Variants in PDXDC1 observed in about 807,000 individuals in gnomAD.
The protein encoded by PDXDC1 is pyridoxal-dependent decarboxylase domain-containing protein 1.
Under a neutral mutation model 100.1 loss-of-function variants are expected in PDXDC1, and 42 were observed. The observed-to-expected ratio is 0.42, with a 90% CI of 0.33 to 0.54. The LOEUF (loss-of-function observed/expected upper bound fraction) is 0.54. PDXDC1 is among the 20% of genes least tolerant of loss of function. The pLI, the probability that PDXDC1 is intolerant of heterozygous loss-of-function variation, is 0.10. For missense variants in PDXDC1, 636 were observed against 979.2 expected (o/e 0.65, Z 4.68); for synonymous variants, 260 against 371.7 (o/e 0.70, Z 3.46).
At chr16:15,049,083 G>A (rs1021384973) in intron 16 of PDXDC1, among the ~76,000 whole-genome samples, 1 of 146,734 alleles carries the variant, frequency 6.8e-6, no homozygotes, top group Non-Finnish European at 1.5e-5. Context: ...TTGTAGCGAC[G>A]GGGTCTCCCT....
At chr16:15,104,958 C>G (rs4125495) in intron 16 of PDXDC1, among the ~76,000 whole-genome samples, 2 of 151,896 alleles carry the variant, frequency 1.3e-5, no homozygotes, top group Non-Finnish European at 2.9e-5. Flanking sequence ...AGAAAAGTCA[C>G]TGGGACACAC....
intron 16 of PDXDC1, chr16:15,133,281 C>A: frequency 6.3e-7 from 1 of 1,581,302 alleles, no homozygotes; most frequent in African/African-American, 1.3e-5. Context: ...AGGACGGTGA[C>A]CAGGGCCAGC....
intron 16 of PDXDC1, among the ~76,000 whole-genome samples, chr16:15,082,683 A>G (rs951983443): frequency 1.3e-5 from 2 of 151,982 alleles, no homozygotes; most frequent in Admixed American, 1.3e-4. Context: ...CACCCCTGAA[A>G]AAAAAAAAAT....
chr16:15,012,672 C>G (rs1269490758), intron 8 of PDXDC1, among the ~76,000 whole-genome samples: 1 of 152,260 alleles, frequency 6.6e-6, no homozygotes, highest in African/African-American at 2.4e-5. Context: ...TGGCGAAACC[C>G]CTAGGAAATC....
chr16:15,143,935 C>T (rs2048513715), downstream of PDXDC1, among the ~76,000 whole-genome samples: 4 of 152,298 alleles, frequency 2.6e-5, no homozygotes, highest in South Asian at 8.3e-4. Context: ...CCAGGCCCGG[C>T]ACCCCTGCCC....
Position 15,036,179 on chromosome 16 carries a change from C to T in PDXDC1, c.2271C>T (p.Ser757=). Residue 757 remains serine (S), a synonymous_variant, in exon 23 of 23, where the codon AGC becomes AGT. Coordinates refer to ENST00000396410, the MANE Select transcript of PDXDC1 (RefSeq NM_015027.4). ...SSTEGHPGAP[S]PQHTDQTEAF... is the part of the protein sequence containing the mutation. ...CTGAGGGACACCCAGGGGCTCCCAG[C>T]CCTCAGCACACCGACCAGACCGAGG... 6.2e-7 allele frequency: 1 copy of T among 1,614,140 alleles called. No homozygotes were observed. Among genetic ancestry groups the T allele is most frequent in the Non-Finnish European group, 8.5e-7 (1 of 1,180,018 alleles).
At chr16:15,066,590 G>A (rs1342651751) in intron 16 of PDXDC1, among the ~76,000 whole-genome samples, 1 of 151,058 alleles carries the variant, frequency 6.6e-6, no homozygotes, top group African/African-American at 2.4e-5. Context: ...CTAAGATCAC[G>A]CCACTGTACT....
At chr16:15,029,735 T>G in intron 15 of PDXDC1, 2 of 575,170 alleles carry the variant, frequency 3.5e-6, no homozygotes, top group Admixed American at 6.0e-5. Context: ...TGTTTACTTG[T>G]ATTTCCTAAA....
intron 16 of PDXDC1, chr16:15,137,238 C>A: frequency 2.4e-6 from 2 of 818,642 alleles, no homozygotes; most frequent in Non-Finnish European, 2.0e-6. Context: ...TGGGGCCCCA[C>A]CAGGGGGGCC....
intron 16 of PDXDC1, chr16:15,104,431 TG>T (rs2046693730): frequency 2.2e-6 from 3 of 1,390,888 alleles, no homozygotes; most frequent in Non-Finnish European, 2.8e-6. Context: ...TATCATCCGC[TG>T]AGGGTGGAGC....
chr16:15,140,167 G>A (rs187361632), downstream of PDXDC1, among the ~76,000 whole-genome samples: 522 of 150,024 alleles, frequency 3.5e-3, 1 homozygote, highest in African/African-American at 0.011. Context: ...GGAAAGAGCC[G>A]GGTGCAATGG....
downstream of PDXDC1, among the ~76,000 whole-genome samples, chr16:15,141,151 C>T (rs1352146975): frequency 6.7e-6 from 1 of 149,178 alleles, no homozygotes; most frequent in Non-Finnish European, 1.5e-5. Context: ...TGAGCACCCG[C>T]CCAGCCCTGC....
chr16:15,064,103 T>C (rs899813572), intron 16 of PDXDC1, among the ~76,000 whole-genome samples: 5 of 152,166 alleles, frequency 3.3e-5, no homozygotes, highest in South Asian at 2.1e-4. Flanking sequence ...TGCTTCCTTA[T>C]ACAAGTGCCA....
intron 16 of PDXDC1, among the ~76,000 whole-genome samples, chr16:15,078,715 G>T (rs902377801): frequency 2.0e-5 from 3 of 151,692 alleles, no homozygotes; most frequent in Non-Finnish European, 2.9e-5. Flanking sequence ...CTGCAGCCAC[G>T]ACTGCCTGTG....
chr16:15,135,779 C>G (rs1598277770), intron 16 of PDXDC1: 1 of 1,593,838 alleles, frequency 6.3e-7, no homozygotes, highest in East Asian at 2.2e-5. Flanking sequence ...GTATGAGCCA[C>G]CCTCAGTGAT....
At chr16:15,144,459 A>G in the PDXDC1 span, among the ~76,000 whole-genome samples, 1 of 151,814 alleles carries the variant, frequency 6.6e-6, no homozygotes, top group African/African-American at 2.4e-5. Flanking sequence ...GGGGAGGGCC[A>G]GGGAGGCCGG....
intron 14 of PDXDC1, among the ~76,000 whole-genome samples, chr16:15,027,547 G>A (rs1567704184): frequency 6.6e-6 from 1 of 152,286 alleles, no homozygotes; most frequent in African/African-American, 2.4e-5. Flanking sequence ...CTTGGAGAAT[G>A]AGTGCAAGGT....
chr16:15,038,266 G>A lies in PDXDC1; in HGVS notation c.*1991G>A. ...AGCCAACCTTACTGTCCCCTGCTGT[G>A]ATAAAGATGTCAAAGTATCTTTGTT... On this transcript the variant is annotated 3_prime_UTR_variant, in exon 23 of 23. Transcript: ENST00000396410. 1 of 1,213,208 alleles carries A rather than the reference G, an allele frequency of 8.2e-7. No individual in the cohort carries two copies. The highest frequency in any genetic ancestry group is 1.2e-6 in the Non-Finnish European group (1 of 845,272). 75.2% of individuals were successfully genotyped at this position (1,213,208 alleles called of 1,614,324 possible). A position where few individuals can be genotyped will look rare whatever the true frequency, so the allele number is the denominator to read the frequency against.
chr16:15,027,366 C>T (rs1361867908), intron 14 of PDXDC1, among the ~76,000 whole-genome samples: 1 of 152,274 alleles, frequency 6.6e-6, no homozygotes, highest in Non-Finnish European at 1.5e-5. Flanking sequence ...GAATGTTTTA[C>T]AGCTCCTAAG....
Sources: gnomAD v4.1 joint callset for allele counts (sites outside exome capture counted in the v4.1 genomes callset) on GRCh38, gnomAD v4.1.1 for gene constraint, MANE v1.5 for transcripts, NCBI Gene and HGNC (gene_info 2026-07-23, HGNC 2026-07-21) for gene names.